The following CHLSN variants were observed in gnomAD, a reference collection of about 807,000 sequenced individuals.
The protein encoded by CHLSN is protein cholesin.
At chr7:1,002,462 G>C in the CHLSN span, among the ~76,000 whole-genome samples, 1 of 109,510 alleles carries the variant, frequency 9.1e-6, no homozygotes. Context: ...GAGTCCTGTG[G>C]GTGAGTGGAG....
the CHLSN span, chr7:983,162 G>T: frequency 1.4e-6 from 2 of 1,405,674 alleles, no homozygotes; most frequent in Non-Finnish European, 9.4e-7. Flanking sequence ...ATAAGGGTGC[G>T]GGGGGGACGG....
chr7:1,047,532 G>C, the CHLSN span, among the ~76,000 whole-genome samples: 4 of 152,248 alleles, frequency 2.6e-5, no homozygotes, highest in African/African-American at 9.6e-5. Flanking sequence ...TGGCTCCTAG[G>C]AGCTGGATGT....
the CHLSN span, among the ~76,000 whole-genome samples, chr7:1,070,981 C>T: frequency 6.6e-6 from 1 of 151,392 alleles, no homozygotes; most frequent in African/African-American, 2.4e-5. Context: ...GGCACATGCA[C>T]ACGGGCACAC....
chr7:1,059,094 C>G, the CHLSN span: 1 of 172,506 alleles, frequency 5.8e-6, no homozygotes, highest in East Asian at 1.9e-4. Flanking sequence ...TTAAATGGAG[C>G]TATTCAATAG....
At chr7:1,049,160 T>C in the CHLSN span, among the ~76,000 whole-genome samples, 1 of 152,112 alleles carries the variant, frequency 6.6e-6, no homozygotes, top group Admixed American at 6.5e-5. Flanking sequence ...CAGTGTGGGG[T>C]GTGACGGGGC....
the CHLSN span, chr7:1,088,321 G>A: frequency 6.6e-6 from 1 of 152,358 alleles, no homozygotes. This position sits in a 1 kb window ranked among gnomAD's most constrained non-coding sequence, Gnocchi z 4.5. Flanking sequence ...CTGCAACCCA[G>A]GTAGGACTCA....
chr7:1,104,340 A>C, the CHLSN span, among the ~76,000 whole-genome samples: 1 of 152,244 alleles, frequency 6.6e-6, no homozygotes, highest in Admixed American at 6.5e-5. Flanking sequence ...TCGAGGCTGC[A>C]GTGAGCTATG....
At chr7:994,052 T>G in the CHLSN span, among the ~76,000 whole-genome samples, 6 of 152,222 alleles carry the variant, frequency 3.9e-5, no homozygotes, top group East Asian at 1.2e-3. Context: ...GAGGGCCCTT[T>G]GGCCTGGAAA....
the CHLSN span, chr7:1,009,980 C>A: frequency 6.3e-7 from 1 of 1,579,830 alleles, no homozygotes; most frequent in Non-Finnish European, 8.6e-7. Context: ...CAGTTCGGCC[C>A]CCGAGCGCCT....
At chr7:1,014,447 T>G in the CHLSN span, among the ~76,000 whole-genome samples, 2 of 152,344 alleles carry the variant, frequency 1.3e-5, no homozygotes, top group South Asian at 2.1e-4. Flanking sequence ...CCCGTCCATC[T>G]GTGTGACACG....
chr7:1,123,483 G>A, the CHLSN span, among the ~76,000 whole-genome samples: 3 of 152,162 alleles, frequency 2.0e-5, no homozygotes, highest in African/African-American at 7.2e-5. This position sits in a 1 kb window ranked among gnomAD's most constrained non-coding sequence, Gnocchi z 4.4. Context: ...GGGAGGGGAG[G>A]GAAGCAGCGC....
At chr7:985,758 A>G in the CHLSN span, among the ~76,000 whole-genome samples, 1 of 152,302 alleles carries the variant, frequency 6.6e-6, no homozygotes, top group South Asian at 2.1e-4. Context: ...TAGCTTCAAA[A>G]TGTAAAGATC....
At chr7:1,072,086 G>A in the CHLSN span, among the ~76,000 whole-genome samples, 1 of 152,310 alleles carries the variant, frequency 6.6e-6, no homozygotes, top group Non-Finnish European at 1.5e-5. Context: ...GGCATCCATA[G>A]ACACCTTAGA....
At chr7:994,425 T>C in the CHLSN span, among the ~76,000 whole-genome samples, 1 of 151,860 alleles carries the variant, frequency 6.6e-6, no homozygotes, top group Admixed American at 6.6e-5. Flanking sequence ...CCCCCCAAAG[T>C]GTTGGGATTA....
At chr7:1,065,018 C>G in the CHLSN span, among the ~76,000 whole-genome samples, 1 of 151,962 alleles carries the variant, frequency 6.6e-6, no homozygotes, top group African/African-American at 2.4e-5. Context: ...CATCACAGGA[C>G]GCTTTCTGCA....
At chr7:1,114,231 A>G in the CHLSN span, among the ~76,000 whole-genome samples, 1 of 152,154 alleles carries the variant, frequency 6.6e-6, no homozygotes, top group Non-Finnish European at 1.5e-5. Flanking sequence ...TCAAAGTGCA[A>G]CCACTGGGCC....
At chr7:1,136,455 C>CATATATAAACATATATAA in the CHLSN span, among the ~76,000 whole-genome samples, 2 of 99,858 alleles carry the variant, frequency 2.0e-5, no homozygotes, top group Non-Finnish European at 3.7e-5. Context: ...TATATATAAA[C>CATATATAAACATATATAA]ATATATAAAC....
the CHLSN span, among the ~76,000 whole-genome samples, chr7:998,970 C>T: frequency 3.9e-5 from 6 of 152,000 alleles, no homozygotes; most frequent in East Asian, 1.2e-3. Context: ...CATTAAGTAT[C>T]GGCATGTTCG....
At chr7:1,104,875 T>A in the CHLSN span, among the ~76,000 whole-genome samples, 1 of 152,236 alleles carries the variant, frequency 6.6e-6, no homozygotes, top group African/African-American at 2.4e-5. Context: ...GCTTAGCCAG[T>A]GACTAATATT....
Sources: allele counts gnomAD v4.1 joint callset (sites outside exome capture counted in the v4.1 genomes callset), GRCh38; gene constraint gnomAD v4.1.1; non-coding constraint Gnocchi (gnomAD v3.1); transcripts MANE v1.5; gene names NCBI Gene and HGNC (gene_info 2026-07-23, HGNC 2026-07-21).